The following BPIFB6 variants were observed in gnomAD, a reference collection of about 807,000 sequenced individuals.
BPIFB6 encodes BPI fold-containing family B member 6.
BPIFB6 carries 47 observed loss-of-function variants against 54.7 expected under a neutral mutation model. The observed-to-expected ratio is 0.86, with a 90% CI of 0.68 to 1.10. The LOEUF (loss-of-function observed/expected upper bound fraction) is 1.10, where lower values mean the gene tolerates loss of function less well. Ranked by LOEUF, BPIFB6 falls within the 50% of genes least tolerant of loss-of-function variation. The probability of loss-of-function intolerance (pLI) is 0.00; values close to 1 mark genes in which losing one functional copy is unlikely to be tolerated. For synonymous variants in BPIFB6, 255 were observed against 225.9 expected, an observed-to-expected ratio of 1.13 and a Z score of -1.16; for missense variants, 603 against 564.1, an observed-to-expected ratio of 1.07 and a Z score of -0.70.
At chr20:33,038,626 C>A (rs1439308588) in intron 8 of BPIFB6, among the ~76,000 whole-genome samples, 1 of 152,232 alleles carries the variant, frequency 6.6e-6, no homozygotes, top group Non-Finnish European at 1.5e-5. Context: ...GTCTACCCAT[C>A]CCCTTTACCC....
chr20:33,031,870 T>C, intron 1 of BPIFB6, 126 bp downstream of exon 1: 1 of 734,694 alleles, frequency 1.4e-6, no homozygotes, highest in Non-Finnish European at 2.4e-6. Flanking sequence ...TATAAGCAAG[T>C]GTTATTATTA....
intron 11 of BPIFB6, among the ~76,000 whole-genome samples, chr20:33,041,482 G>A (rs73904432): frequency 0.021 from 3,228 of 152,258 alleles, 109 homozygotes; most frequent in African/African-American, 0.074. Flanking sequence ...GAATCAGAGT[G>A]GAAAATGGAG....
chr20:33,034,793 G>A lies in BPIFB6; in HGVS notation c.333G>A (p.Val111=). ...TGGGAGGGAACATGGAGATCATCGT[G>A]GCCCTGAACATCACAGCCACCAACC... The part of the protein sequence containing the change: ...SFMGGNMEII[V]ALNITATNRL... The change falls in exon 4 of 15, where the codon GTG becomes GTA. Residue 111 remains valine, a synonymous_variant. Transcript: ENST00000349552. 6.2e-7 allele frequency: 1 copy of A among 1,613,256 alleles called. No individual in the cohort carries two copies. The highest frequency in any genetic ancestry group is 8.5e-7 in the Non-Finnish European group (1 of 1,179,382).
chr20:33,042,075 C>T, intron 12 of BPIFB6, 60 bp downstream of exon 12: 1 of 1,540,730 alleles, frequency 6.5e-7, no homozygotes, highest in South Asian at 1.1e-5. Flanking sequence ...CCTATTCTCC[C>T]TCGGAACTAC....
Position 33,037,283 on chromosome 20 carries a change from A to T in BPIFB6, c.670-279A>T, listed in dbSNP as rs1292434710. On this transcript the variant is annotated intron_variant, in intron 7 of 14. Coordinates refer to ENST00000349552, the MANE Select transcript of BPIFB6 (RefSeq NM_174897.2). ...CAGAAATCATGTTCCGAATAAATGA[A>T]GCCTCCAACCACTCAGAGCAACTGA... 2.6e-5 allele frequency among the ~76,000 whole-genome samples: 4 copies of T among 152,158 alleles called. No individual in the cohort carries two copies. The East Asian group carries it at 7.7e-4, about 29-fold the overall frequency.
At chr20:33,034,322 G>A in intron 3 of BPIFB6, 32 bp downstream of exon 3, 1 of 1,448,784 alleles carries the variant, frequency 6.9e-7, no homozygotes, top group Non-Finnish European at 9.7e-7. Context: ...CAGCGGGGAG[G>A]AGAACGGCCT....
At chr20:33,031,784 G>A (rs924729696) in intron 1 of BPIFB6, 40 bp downstream of exon 1, 10 of 1,566,134 alleles carry the variant, frequency 6.4e-6, no homozygotes, top group African/African-American at 4.1e-5. Flanking sequence ...CTGGGAGGCG[G>A]TGCTTGGGGT....
chr20:33,038,201 T>C (rs1979427235), intron 8 of BPIFB6, among the ~76,000 whole-genome samples: 1 of 152,018 alleles, frequency 6.6e-6, no homozygotes, highest in Admixed American at 6.6e-5. Context: ...CACCACTACA[T>C]CCACCCAACT....
chr20:33,034,051 A>C (rs992334517), intron 2 of BPIFB6, 135 bp from the exon 3 acceptor site: 5 of 710,094 alleles, frequency 7.0e-6, no homozygotes, highest in Non-Finnish European at 1.3e-5. Flanking sequence ...GGCCCCATGA[A>C]TCATGCTTAC....
rs758920512 is a variant in BPIFB6, at chr20:33,040,330, C to T, written c.1142+12C>T. On this transcript the variant is annotated intron_variant, in intron 11 of 14. Coordinates refer to ENST00000349552, the MANE Select transcript of BPIFB6 (RefSeq NM_174897.2). Reference sequence around the variant, plus strand: ...ACTTCTTTGGACAGGTACGACCCTGCTGCCCAATGCTGGCATCCCTGTTAC... The same window carrying T: ...ACTTCTTTGGACAGGTACGACCCTGTTGCCCAATGCTGGCATCCCTGTTAC... 38 of 1,612,794 alleles carry T rather than the reference C, an allele frequency of 2.4e-5. No homozygotes were observed. In the African/African-American group the frequency reaches 3.6e-4, roughly 15 times the overall value.
Position 33,036,466 on chromosome 20 carries a change from T to C in BPIFB6, c.599T>C (p.Met200Thr), listed in dbSNP as rs946634784. The C allele has an allele frequency of 3.1e-6, 5 of 1,613,808 alleles. No homozygotes were observed. The African/African-American group carries it at 4.0e-5, about 13-fold the overall frequency. ...ACAGACCCCATGCCTGTGGGCCAGA[T>C]GGGCACCGTCAAATATGTTCTGATG... ...NLSDPMPVGQ[M>T]GTVKYVLMSA... The change falls in exon 7 of 15, where the codon ATG (methionine) becomes ACG (threonine). Residue 200 changes from methionine to threonine, a missense_variant. Transcript: ENST00000349552.
intron 8 of BPIFB6, among the ~76,000 whole-genome samples, chr20:33,038,497 T>C (rs1979439890): frequency 6.6e-6 from 1 of 152,092 alleles, no homozygotes; most frequent in Non-Finnish European, 1.5e-5. Flanking sequence ...ACATCATCCA[T>C]CCATGTATTC....
intron 1 of BPIFB6, among the ~76,000 whole-genome samples, chr20:33,032,537 C>G (rs183658171): frequency 1.7e-4 from 26 of 152,214 alleles, no homozygotes; most frequent in African/African-American, 6.3e-4. Flanking sequence ...TCACTACATG[C>G]CCCCTGCAAA....
At chr20:33,043,390 G>T (rs1281787635) in intron 14 of BPIFB6, 23 bp downstream of exon 14, 1 of 1,605,162 alleles carries the variant, frequency 6.2e-7, no homozygotes, top group Non-Finnish European at 8.5e-7. Flanking sequence ...GCTAGGGGAG[G>T]TCATGTCAAT....
intron 2 of BPIFB6, chr20:33,033,629 C>A (rs1392166513): frequency 4.4e-6 from 2 of 456,702 alleles, no homozygotes; most frequent in East Asian, 6.9e-5. Flanking sequence ...TGTGCCACAT[C>A]TTTTGTTACC....
intron 5 of BPIFB6, among the ~76,000 whole-genome samples, 160 bp downstream of exon 5, chr20:33,035,304 A>G (rs1321656547): frequency 2.6e-5 from 4 of 152,262 alleles, no homozygotes; most frequent in Admixed American, 2.0e-4. Flanking sequence ...TGCCACAATC[A>G]TCTAGTGATG....
Position 33,037,600 on chromosome 20 carries a change from T to G in BPIFB6, c.708T>G (p.Leu236=). 6.2e-7 allele frequency: 1 copy of G among 1,613,938 alleles called. No homozygotes were observed. The highest frequency in any genetic ancestry group is 2.2e-5 in the East Asian group (1 of 44,860). ...VQQQKGKTIK[L]ADAGEALTFP... ...AGCAAAAGGGCAAAACCATCAAGCT[T>G]GCTGATGCCGGGGAGGCCCTCACGT... Residue 236 remains leucine, a synonymous_variant, in exon 8 of 15, where the codon CTT becomes CTG. Coordinates refer to ENST00000349552, the MANE Select transcript of BPIFB6 (RefSeq NM_174897.2).
In BPIFB6 at chr20:33,031,728, C is replaced by T; in HGVS notation, c.81C>T (p.Gly27=). Residue 27 remains glycine (G), a synonymous_variant, in exon 1 of 15, where the codon GGC becomes GGT. Transcript: ENST00000349552. ...RADPGALLRL[G]MDIMNQVQSA... ...ACCCTGGGGCACTGCTGCGGTTGGG[C>T]ATGGACATCATGAACCGTGGTGAGC... The T allele has an allele frequency of 1.2e-6, 2 of 1,614,086 alleles. No individual in the cohort carries two copies. Among genetic ancestry groups the T allele is most frequent in the Non-Finnish European group, 1.7e-6 (2 of 1,179,976 alleles).
chr20:33,035,713 T>C, intron 6 of BPIFB6, 41 bp downstream of exon 6: 1 of 1,581,032 alleles, frequency 6.3e-7, no homozygotes, highest in Non-Finnish European at 8.7e-7. Context: ...TACCTAGGGA[T>C]ATCAGGATAG....
Sources: allele counts gnomAD v4.1 joint callset (sites outside exome capture counted in the v4.1 genomes callset), GRCh38; gene constraint gnomAD v4.1.1; transcripts MANE v1.5; gene names NCBI Gene and HGNC (gene_info 2026-07-23, HGNC 2026-07-21).